TASOR2: variants seen among roughly 807,000 people sequenced by gnomAD.
TASOR2 encodes the protein transcription activation suppressor family member 2, also known as protein TASOR 2.
Under a neutral mutation model 199.5 loss-of-function variants are expected in TASOR2, and 84 were observed. The observed-to-expected ratio is 0.42, with a 90% CI of 0.35 to 0.50. TASOR2 has a LOEUF of 0.50. TASOR2 is among the 20% of genes least tolerant of loss of function. The pLI is 0.02. For synonymous variants in TASOR2, 1,103 were observed against 1,046.6 expected (o/e 1.05, Z -1.04); for missense variants, 2,796 against 2,835.9 (o/e 0.99, Z 0.32).
rs768595652 is a variant in TASOR2 at position 5,740,043 on chromosome 10, C to G, written c.1873C>G (p.Gln625Glu). The G allele has an allele frequency of 2.5e-6, 4 of 1,614,040 alleles. No homozygotes were observed. The highest frequency in any genetic ancestry group is 4.5e-5 in the East Asian group (2 of 44,888). The change falls in exon 13 of 21, where the codon CAG becomes GAG. Residue 625 changes from glutamine to glutamate, a missense_variant. Gln to Glu is a conservative substitution (Grantham distance 29). Transcript: ENST00000328090. This position sits in a 1 kb window ranked among gnomAD's most constrained non-coding sequence, Gnocchi z 5.3. ...TGAAGAAAGCTTGGTTCCTTGTAGTCAGGCCCCTGCTAAAGCCCAGTCAGC... is the reference window on the plus strand; with the variant it reads ...TGAAGAAAGCTTGGTTCCTTGTAGTGAGGCCCCTGCTAAAGCCCAGTCAGC...
chr10:5,748,502 T>C lies in TASOR2; in HGVS notation c.5081T>C (p.Leu1694Pro), dbSNP rs1306770118. The change falls in exon 15 of 21, where the codon CTT becomes CCT. Residue 1694 changes from leucine to proline, a missense_variant. Transcript: ENST00000328090. This position sits in a 1 kb window ranked among gnomAD's most constrained non-coding sequence, Gnocchi z 5.1. ...CCAGCAGGCAGAATGGCCAGTTTGC[T>C]TAAGAATGGTGAGCCTGAAGCTGAG... is the stretch of plus-strand genomic sequence containing the variant. The C allele has an allele frequency of 6.2e-7, 1 of 1,613,912 alleles. No individual in the cohort carries two copies.
At chr10:5,721,105 G>A (rs1175245130) in intron 6 of TASOR2, 135 bp downstream of exon 7, 3 of 637,586 alleles carry the variant, frequency 4.7e-6, no homozygotes, top group Non-Finnish European at 8.0e-6. Context: ...GGGTATATTT[G>A]GGTAAATGTA....
Position 5,737,912 on chromosome 10 carries a change from C to G in TASOR2, c.1448-1706C>G, listed in dbSNP as rs1835851996. Among the ~76,000 whole-genome samples the G allele has an allele frequency of 6.6e-6, 1 of 152,160 alleles. No homozygotes were observed. Among genetic ancestry groups the G allele is most frequent in the Admixed American group, 6.5e-5 (1 of 15,274 alleles). ...TTCAAATACAGGCTGATTTGTATTG[C>G]AAATGTCTGTAGGTATTGTGCAGCC... On this transcript the variant is annotated intron_variant, in intron 12 of 20. Coordinates refer to ENST00000328090, the Ensembl canonical transcript of TASOR2. The surrounding 1 kb of genome is among the most constrained non-coding windows in gnomAD (Gnocchi z 4.9).
chr10:5,749,603 G>A, exon 15 of TASOR2: 2 of 1,614,144 alleles, frequency 1.2e-6, no homozygotes, highest in Non-Finnish European at 1.7e-6. Flanking sequence ...TACACAGCCA[G>A]CAGTCTGGAC....
intron 13 of TASOR2, among the ~76,000 whole-genome samples, chr10:5,741,596 A>C (rs10905101): frequency 0.038 from 5,849 of 152,286 alleles, 271 homozygotes; most frequent in African/African-American, 0.11. Context: ...ATTTTGCAGA[A>C]CTGTAGTCTG....
chr10:5,718,690 CG>C (rs1832968757), intron 3 of TASOR2, among the ~76,000 whole-genome samples: 1 of 149,706 alleles, frequency 6.7e-6, no homozygotes, highest in Non-Finnish European at 1.5e-5. Context: ...ACCTGGAAGG[CG>C]GAGGTTGCAG....
At chr10:5,746,325 C>CAGT in exon 15 of TASOR2, 1 of 1,614,120 alleles carries the variant, frequency 6.2e-7, no homozygotes, top group Non-Finnish European at 8.5e-7. Flanking sequence ...TGGCTTCTTA[C>CAGT]AGTGGCACTG....
intron 17 of TASOR2, 91 bp downstream of exon 18, chr10:5,757,764 C>A: frequency 7.1e-7 from 1 of 1,407,704 alleles, no homozygotes; most frequent in Non-Finnish European, 9.9e-7. Flanking sequence ...AAGAAATGAT[C>A]AACTCTAAGG....
exon 15 of TASOR2, chr10:5,747,902 C>T (rs1564350003): frequency 2.5e-6 from 4 of 1,613,762 alleles, no homozygotes; most frequent in Non-Finnish European, 3.4e-6. Context: ...GGTAGACCAA[C>T]CCTTCCTGGT....
rs1837410819 is a variant in TASOR2 at position 5,698,452 on chromosome 10, A to G, written c.-288+13277A>G. 6.6e-6 allele frequency among the ~76,000 whole-genome samples: 1 copy of G among 152,232 alleles called. No individual in the cohort carries two copies. The highest frequency in any genetic ancestry group is 6.5e-5 in the Admixed American group (1 of 15,284). On this transcript the variant is annotated intron_variant, in intron 1 of 20. Transcript: ENST00000328090. The surrounding 1 kb of genome is among the most constrained non-coding windows in gnomAD (Gnocchi z 4.4). ...ACAGTTATATGATTAAAAATAAAAA[A>G]AGAGAGAGAAAAACCACAATTTTCT...
intron 16 of TASOR2, 113 bp from the exon 18 acceptor site, chr10:5,757,407 A>G: frequency 9.3e-7 from 1 of 1,069,984 alleles, no homozygotes; most frequent in Non-Finnish European, 1.3e-6. Context: ...CCAGGTTGAA[A>G]TATTTTCAGT....
exon 16 of TASOR2, chr10:5,756,632 G>A (rs1018245245): frequency 1.2e-6 from 2 of 1,612,906 alleles, no homozygotes; most frequent in South Asian, 1.1e-5. Context: ...AGGAAAGGAG[G>A]CCATACAGAA....
In TASOR2 at chr10:5,710,615, T is replaced by C. The variant is rs1265459669; in HGVS notation, c.-287-2208T>C. Among the ~76,000 whole-genome samples the C allele has an allele frequency of 6.6e-6, 1 of 152,116 alleles. No individual in the cohort carries two copies. Among genetic ancestry groups the C allele is most frequent in the Non-Finnish European group, 1.5e-5 (1 of 67,938 alleles). ...CATCTCTTCAGTTTTCAGTTCATTATTGTGCATTATGATGCTCAAAAATGA... is the reference window on the plus strand; with the variant it reads ...CATCTCTTCAGTTTTCAGTTCATTACTGTGCATTATGATGCTCAAAAATGA... On this transcript the variant is annotated intron_variant, in intron 1 of 20. Transcript: ENST00000328090. The surrounding 1 kb of genome is among the most constrained non-coding windows in gnomAD (Gnocchi z 4.6).
At chr10:5,707,687 A>G (rs1478093548) in intron 1 of TASOR2, among the ~76,000 whole-genome samples, 1 of 116,694 alleles carries the variant, frequency 8.6e-6, no homozygotes, top group East Asian at 2.5e-4. Context: ...TCCCCCCCCA[A>G]CCCCACACAC....
In TASOR2 at chr10:5,699,036, C is replaced by T. The variant is rs924198968; in HGVS notation, c.-287-13787C>T. ...ACATAAAAACTTATACATGAATGCTCATAGCATAATTATTCATAATAGCCA... is the reference window on the plus strand; with the variant it reads ...ACATAAAAACTTATACATGAATGCTTATAGCATAATTATTCATAATAGCCA... On this transcript the variant is annotated intron_variant, in intron 1 of 20. Transcript: ENST00000328090. The surrounding 1 kb of genome is among the most constrained non-coding windows in gnomAD (Gnocchi z 4.1). Among the ~76,000 whole-genome samples the T allele has an allele frequency of 1.3e-5, 2 of 152,144 alleles. No individual in the cohort carries two copies. The highest frequency in any genetic ancestry group is 1.9e-4 in the East Asian group (1 of 5,198).
exon 21 of TASOR2, chr10:5,763,330 TTGG>T: frequency 6.6e-6 from 2 of 301,676 alleles, no homozygotes; most frequent in Non-Finnish European, 1.2e-5. Context: ...GTTTACTTAG[TTGG>T]AGCAAAAATA....
chr10:5,743,304 T>A (rs1374685309), intron 14 of TASOR2, among the ~76,000 whole-genome samples: 3 of 152,206 alleles, frequency 2.0e-5, no homozygotes, highest in African/African-American at 7.2e-5. Flanking sequence ...TGGGTGAGCC[T>A]CATAGAACCC....
rs966449749 is a variant in TASOR2 at position 5,742,172 on chromosome 10, C to T, written c.2403C>T (p.Tyr801=). ...TTCATATGTGGGTAGCTCTGTTTTA[C>T]AGCAATCAGAACAAAATCATACGAT... Residue 801 remains tyrosine, a synonymous_variant, in exon 14 of 21, where the codon TAC becomes TAT. Transcript: ENST00000328090. This position sits in a 1 kb window ranked among gnomAD's most constrained non-coding sequence, Gnocchi z 4.2. 1 of 1,614,112 alleles carries T rather than the reference C, an allele frequency of 6.2e-7. No individual in the cohort carries two copies. Among genetic ancestry groups the T allele is most frequent in the East Asian group, 2.2e-5 (1 of 44,882 alleles).
chr10:5,733,377 A>T (rs1431726042), intron 11 of TASOR2, among the ~76,000 whole-genome samples: 2 of 152,114 alleles, frequency 1.3e-5, no homozygotes, highest in South Asian at 2.1e-4. Context: ...GTATGGGGGC[A>T]CTTGCCTGTA....
Sources: gnomAD v4.1 joint callset for allele counts (sites outside exome capture counted in the v4.1 genomes callset) on GRCh38, gnomAD v4.1.1 for gene constraint, Gnocchi (gnomAD v3.1) non-coding constraint, MANE v1.5 for transcripts, NCBI Gene and HGNC (gene_info 2026-07-23, HGNC 2026-07-21) for gene names.